METTL25: variants seen among roughly 807,000 people sequenced by gnomAD.
METTL25 encodes probable methyltransferase-like protein 25.
Under a neutral mutation model 71.6 loss-of-function variants are expected in METTL25, and 64 were observed. The observed-to-expected ratio is 0.89, with a 90% CI of 0.73 to 1.10. METTL25 has a LOEUF of 1.10. METTL25 is among the 50% of genes least tolerant of loss of function. The probability of loss-of-function intolerance (pLI) is 0.00; values close to 1 mark genes in which losing one functional copy is unlikely to be tolerated. For synonymous variants in METTL25, 287 were observed against 250.3 expected, an observed-to-expected ratio of 1.15 and a Z score of -1.38; for missense variants, 807 against 707.0, an observed-to-expected ratio of 1.14 and a Z score of -1.60.
At position 82,403,037 on chromosome 12, in the gene METTL25, C is replaced by A. The variant is rs750684683; in HGVS notation, c.1186C>A (p.Arg396=). The change falls in exon 5 of 12, where the codon CGA becomes AGA. Residue 396 remains arginine (R), a synonymous_variant. Coordinates refer to ENST00000248306, the MANE Select transcript of METTL25 (RefSeq NM_032230.3). ...TCGDLAPNTL[R]IFTSNSEIKG... ...TGGTGATCTGGCTCCAAATACTTTG[C>A]GAATATTTACCTCCAACTCTGAAAT... 2.5e-6 allele frequency: 4 copies of A among 1,612,830 alleles called. No individual in the cohort carries two copies. Among genetic ancestry groups the A allele is most frequent in the East Asian group, 2.2e-5 (1 of 44,804 alleles).
At chr12:82,459,490 G>A (rs1161021136) in intron 9 of METTL25, among the ~76,000 whole-genome samples, 2 of 152,072 alleles carry the variant, frequency 1.3e-5, no homozygotes, top group Admixed American at 6.5e-5. Flanking sequence ...TAGATAGTGT[G>A]GTGATATGCA....
intron 9 of METTL25, among the ~76,000 whole-genome samples, chr12:82,466,018 A>G (rs1428772809): frequency 7.3e-6 from 1 of 136,124 alleles, no homozygotes; most frequent in Non-Finnish European, 1.6e-5. Context: ...TTGTTTCACT[A>G]ATTGTAGATT....
At chr12:82,378,019 TC>T (rs1399813560) in intron 1 of METTL25, among the ~76,000 whole-genome samples, 1 of 152,212 alleles carries the variant, frequency 6.6e-6, no homozygotes, top group Non-Finnish European at 1.5e-5. Flanking sequence ...TATTTTTTTT[TC>T]GTGTATCTTC....
chr12:82,468,076 A>G (rs1205782210), intron 9 of METTL25, among the ~76,000 whole-genome samples: 3 of 151,878 alleles, frequency 2.0e-5, no homozygotes, highest in Admixed American at 1.3e-4. Context: ...CCTTTCCTAC[A>G]CCAGCATTCT....
At chr12:82,441,467 T>C (rs554062896) in intron 8 of METTL25, among the ~76,000 whole-genome samples, 2 of 152,010 alleles carry the variant, frequency 1.3e-5, no homozygotes, top group Admixed American at 6.6e-5. Context: ...TCTGGAAATA[T>C]AGAATAGATG....
chr12:82,424,661 A>G (rs1353507100), intron 5 of METTL25, among the ~76,000 whole-genome samples: 1 of 152,074 alleles, frequency 6.6e-6, no homozygotes, highest in Non-Finnish European at 1.5e-5. Context: ...CCTCCCAAAA[A>G]GTCATGTTCA....
intron 1 of METTL25, among the ~76,000 whole-genome samples, chr12:82,375,399 C>T (rs919115109): frequency 6.6e-5 from 10 of 151,508 alleles, no homozygotes; most frequent in Admixed American, 2.0e-4. Flanking sequence ...ACTATGCTGG[C>T]GATTGGTTTG....
intron 8 of METTL25, among the ~76,000 whole-genome samples, chr12:82,451,148 C>T (rs1891121181): frequency 6.6e-6 from 1 of 152,096 alleles, no homozygotes; most frequent in Non-Finnish European, 1.5e-5. Flanking sequence ...TGTAACTGTT[C>T]TCCAGATTGT....
intron 5 of METTL25, among the ~76,000 whole-genome samples, chr12:82,419,211 T>C (rs1192303433): frequency 1.3e-5 from 2 of 151,812 alleles, no homozygotes; most frequent in African/African-American, 4.8e-5. Context: ...TAAAAAAAAA[T>C]GCCACAAAGA....
chr12:82,450,608 T>C (rs1891070681), intron 8 of METTL25, among the ~76,000 whole-genome samples: 1 of 152,282 alleles, frequency 6.6e-6, no homozygotes, highest in Non-Finnish European at 1.5e-5. Context: ...GGCTTCTGTT[T>C]ACCTCAGAAG....
intron 9 of METTL25, among the ~76,000 whole-genome samples, chr12:82,463,102 T>C (rs1180960006): frequency 2.0e-5 from 3 of 152,020 alleles, no homozygotes; most frequent in Non-Finnish European, 2.9e-5. Context: ...CTTCTAGCTA[T>C]TTGAAACTAT....
At position 82,399,288 on chromosome 12, in the gene METTL25, A is replaced by G. The variant is rs145668507; in HGVS notation, c.1025A>G (p.Glu342Gly). Residue 342 changes from glutamate (E) to glycine (G), a missense_variant, in exon 4 of 12, where the codon GAG becomes GGG. Glu to Gly is a moderately conservative substitution (Grantham distance 98). Coordinates refer to ENST00000248306, the MANE Select transcript of METTL25 (RefSeq NM_032230.3). ...PNRETSEANK[E>G]RRKMTSKSSE... ...AGAGAAACATCTGAAGCCAATAAAG[A>G]GAGAAGAAAAATGACATCAAAGTCA... The G allele has an allele frequency of 4.3e-6, 7 of 1,613,778 alleles. No individual in the cohort carries two copies. In the Admixed American group the frequency reaches 1.0e-4, roughly 23 times the overall value.
intron 9 of METTL25, among the ~76,000 whole-genome samples, chr12:82,458,843 A>G (rs1481828911): frequency 6.6e-6 from 1 of 152,170 alleles, no homozygotes; most frequent in East Asian, 1.9e-4. Flanking sequence ...TCCATGGGGG[A>G]GAAAGAAAAT....
intron 8 of METTL25, among the ~76,000 whole-genome samples, chr12:82,443,926 C>G (rs1890551991): frequency 6.6e-6 from 1 of 152,068 alleles, no homozygotes; most frequent in Admixed American, 6.6e-5. Context: ...CATTGGGGAT[C>G]AAATTTCAAC....
intron 7 of METTL25, among the ~76,000 whole-genome samples, chr12:82,436,003 G>A (rs1034454429): frequency 6.6e-6 from 1 of 151,362 alleles, no homozygotes; most frequent in African/African-American, 2.4e-5. Context: ...GAATCTCTGA[G>A]TCTGCAGTTC....
intron 1 of METTL25, among the ~76,000 whole-genome samples, chr12:82,384,522 A>AT (rs1884772267): frequency 1.3e-5 from 2 of 151,760 alleles, no homozygotes; most frequent in African/African-American, 2.4e-5. Flanking sequence ...ATTCAAAAAT[A>AT]TTTTTTCATG....
chr12:82,461,953 G>A (rs1036838089), intron 9 of METTL25, among the ~76,000 whole-genome samples: 1 of 152,120 alleles, frequency 6.6e-6, no homozygotes, highest in African/African-American at 2.4e-5. Flanking sequence ...TTCTCTTTAG[G>A]ACTGCATATC....
rs138175883 is a variant in METTL25, at chr12:82,361,752, C to G, written c.259+2928C>G. 9.9e-3 allele frequency among the ~76,000 whole-genome samples: 1,505 copies of G among 152,324 alleles called. 24 individuals carry two copies. Among genetic ancestry groups the G allele is most frequent in the African/African-American group, 0.034 (1,419 of 41,574 alleles). Reference sequence around the variant, plus strand: ...AGCCCACAACCACCCGGAACTCGCGCTGGCCAGCAAGCGTGGCGCGCAGCC... The same window carrying G: ...AGCCCACAACCACCCGGAACTCGCGGTGGCCAGCAAGCGTGGCGCGCAGCC... On this transcript the variant is annotated intron_variant, in intron 1 of 11. Transcript: ENST00000248306.
chr12:82,469,480 A>G (rs1195627244), intron 9 of METTL25, among the ~76,000 whole-genome samples: 1 of 152,052 alleles, frequency 6.6e-6, no homozygotes, highest in Non-Finnish European at 1.5e-5. Context: ...TGAGCCCTTT[A>G]TAAAACCATC....
Sources: gnomAD v4.1 joint callset for allele counts (sites outside exome capture counted in the v4.1 genomes callset) on GRCh38, gnomAD v4.1.1 for gene constraint, MANE v1.5 for transcripts, NCBI Gene and HGNC (gene_info 2026-07-23, HGNC 2026-07-21) for gene names.